JMJD1C: variants seen among roughly 807,000 people sequenced by gnomAD.
JMJD1C encodes jumonji domain containing 1C.
A neutral mutation model predicts 245.3 loss-of-function variants in JMJD1C; 31 were observed. That is an observed-to-expected ratio of 0.13 (90% CI 0.09 to 0.17). JMJD1C has a LOEUF of 0.17. Ranked by LOEUF, JMJD1C falls within the 10% of genes least tolerant of loss-of-function variation. JMJD1C has a pLI of 1.00. For missense variants in JMJD1C, 2,691 were observed against 3,000.2 expected (o/e 0.90, Z 2.41); for synonymous variants, 1,057 against 1,017.4 (o/e 1.04, Z -0.74).
At chr10:63,428,999 G>C (rs1316341145) in intron 1 of JMJD1C, among the ~76,000 whole-genome samples, 1 of 151,944 alleles carries the variant, frequency 6.6e-6, no homozygotes, top group East Asian at 1.9e-4. Context: ...GGGGGGAGGG[G>C]CACGGAATTT....
intron 2 of JMJD1C, among the ~76,000 whole-genome samples, chr10:63,295,095 T>C (rs1386612101): frequency 1.3e-5 from 2 of 152,032 alleles, no homozygotes; most frequent in African/African-American, 4.8e-5. Context: ...AGCATTTAGA[T>C]TTTTTGTTTT....
At chr10:63,226,698 A>C (rs1463373006) in intron 3 of JMJD1C, among the ~76,000 whole-genome samples, 3 of 138,842 alleles carry the variant, frequency 2.2e-5, no homozygotes, top group Non-Finnish European at 4.6e-5. Flanking sequence ...CTGGGCGACA[A>C]AGCACAACCC....
At chr10:63,413,256 T>C (rs575507966) in intron 1 of JMJD1C, among the ~76,000 whole-genome samples, 2 of 152,316 alleles carry the variant, frequency 1.3e-5, no homozygotes, top group Middle Eastern at 6.8e-3. Flanking sequence ...CTTCATTATT[T>C]TGATGAGACA....
At chr10:63,399,553 A>C (rs1253026628) in intron 1 of JMJD1C, among the ~76,000 whole-genome samples, 1 of 151,378 alleles carries the variant, frequency 6.6e-6, no homozygotes, top group Non-Finnish European at 1.5e-5. Context: ...TTGTTATGCA[A>C]CAACATAAAC....
At chr10:63,363,853 A>ATT (rs759663605) in intron 2 of JMJD1C, among the ~76,000 whole-genome samples, 15,880 of 126,320 alleles carry the variant, frequency 0.13, 1,602 homozygotes, top group East Asian at 0.32. Context: ...TGCCTGGCTA[A>ATT]TTTTTTTTTT....
At chr10:63,322,824 CT>C (rs1231707699) in intron 2 of JMJD1C, among the ~76,000 whole-genome samples, 1,736 of 108,370 alleles carry the variant, frequency 0.016, 32 homozygotes, top group African/African-American at 0.053. Flanking sequence ...AAAAAAAAAA[CT>C]TTTTTTTTTT....
At chr10:63,363,024 G>A (rs946912137) in intron 2 of JMJD1C, among the ~76,000 whole-genome samples, 1 of 151,876 alleles carries the variant, frequency 6.6e-6, no homozygotes, top group Admixed American at 6.6e-5. Flanking sequence ...CAGGGGGGAC[G>A]TAACTGGTTG....
chr10:63,256,978 T>A (rs776395841), intron 3 of JMJD1C, among the ~76,000 whole-genome samples: 17 of 152,200 alleles, frequency 1.1e-4, no homozygotes, highest in Non-Finnish European at 2.2e-4. Flanking sequence ...CTTACACCTG[T>A]AATCCGAACA....
intron 1 of JMJD1C, among the ~76,000 whole-genome samples, chr10:63,485,386 C>T (rs561273924): frequency 3.9e-5 from 6 of 152,214 alleles, no homozygotes; most frequent in Non-Finnish European, 7.4e-5. Flanking sequence ...TTCTTACAGT[C>T]TCCATTTCTA....
rs185156550 is a variant in JMJD1C at position 63,338,598 on chromosome 10, C to T, written c.333+41720G>A. Among the ~76,000 whole-genome samples the T allele has an allele frequency of 9.1e-4, 135 of 149,160 alleles. No homozygotes were observed. The Middle Eastern group carries it at 0.035, about 39-fold the overall frequency. On this transcript the variant is annotated intron_variant, in intron 2 of 25. Transcript: ENST00000399262. ...CACATGCTACATTAGCCACTACAAACTTTAAACATTTTGAATAATCAAATA... is the reference window on the plus strand; with the variant it reads ...CACATGCTACATTAGCCACTACAAATTTTAAACATTTTGAATAATCAAATA...
intron 1 of JMJD1C, among the ~76,000 whole-genome samples, chr10:63,421,771 C>T (rs1950140345): frequency 6.6e-6 from 1 of 152,142 alleles, no homozygotes; most frequent in South Asian, 2.1e-4. Flanking sequence ...AGCTTCACTT[C>T]CTCTTTGCTT....
chr10:63,287,882 G>T (rs971627805), intron 2 of JMJD1C, among the ~76,000 whole-genome samples: 3 of 151,914 alleles, frequency 2.0e-5, no homozygotes, highest in African/African-American at 4.8e-5. Context: ...CAAGTAGCTG[G>T]GATTACAGAC....
chr10:63,408,557 GA>G (rs1949304003), intron 1 of JMJD1C, among the ~76,000 whole-genome samples: 1 of 151,962 alleles, frequency 6.6e-6, no homozygotes, highest in Non-Finnish European at 1.5e-5. Flanking sequence ...TCAGAATCTG[GA>G]AGTCACTGAT....
At chr10:63,486,450 T>C (rs1954006322) in intron 1 of JMJD1C, among the ~76,000 whole-genome samples, 1 of 152,188 alleles carries the variant, frequency 6.6e-6, no homozygotes, top group South Asian at 2.1e-4. Context: ...GGAATCAGCA[T>C]TTAGAATAAC....
rs201317377 is a variant in JMJD1C at position 63,308,155 on chromosome 10, G to GA, written c.334-43392dup. ...GACAGAGTGAGACTCCATCTCAAAAGAAAAAAAAAAATTGGGAAATTAAAT... is the reference window on the plus strand; with the variant it reads ...GACAGAGTGAGACTCCATCTCAAAAGAAAAAAAAAAAATTGGGAAATTAAAT... On this transcript the variant is annotated intron_variant, in intron 2 of 25. Transcript: ENST00000399262. Among the ~76,000 whole-genome samples, 670 of 143,644 alleles carry GA rather than the reference G, an allele frequency of 4.7e-3. 1 individual carries two copies. The highest frequency in any genetic ancestry group is 7.3e-3 in the Non-Finnish European group (475 of 65,160). The allele number at this position is 143,644 out of a possible 152,430, so 94.2% of individuals were successfully genotyped here.
At chr10:63,325,188 G>A (rs1379559422) in intron 2 of JMJD1C, among the ~76,000 whole-genome samples, 10 of 152,212 alleles carry the variant, frequency 6.6e-5, no homozygotes, top group Non-Finnish European at 1.3e-4. Flanking sequence ...GTTAATTAGT[G>A]TAGAAAGCAT....
At chr10:63,429,525 A>G (rs75723769) in intron 1 of JMJD1C, among the ~76,000 whole-genome samples, 208 of 152,326 alleles carry the variant, frequency 1.4e-3, no homozygotes, top group African/African-American at 4.2e-3. Flanking sequence ...AACAGCATTA[A>G]TGACCAACAC....
intron 2 of JMJD1C, among the ~76,000 whole-genome samples, chr10:63,354,195 TA>T (rs1248840350): frequency 1.3e-5 from 2 of 152,310 alleles, no homozygotes; most frequent in African/African-American, 4.8e-5. Flanking sequence ...AAGTACAATA[TA>T]AATAGTAATC....
At chr10:63,373,288 T>TA (rs1946455275) in intron 2 of JMJD1C, among the ~76,000 whole-genome samples, 1 of 152,182 alleles carries the variant, frequency 6.6e-6, no homozygotes, top group Admixed American at 6.5e-5. Flanking sequence ...GGTGCTCCCA[T>TA]AAATGTTTTG....
Sources: allele counts gnomAD v4.1 joint callset (sites outside exome capture counted in the v4.1 genomes callset), GRCh38; gene constraint gnomAD v4.1.1; transcripts MANE v1.5; gene names NCBI Gene and HGNC (gene_info 2026-07-23, HGNC 2026-07-21).